The following CTNNA3 variants were observed in gnomAD, a reference collection of about 807,000 sequenced individuals.
The protein encoded by CTNNA3 is catenin alpha-3.
Under a neutral mutation model 95.7 loss-of-function variants are expected in CTNNA3, and 76 were observed. The observed-to-expected ratio is 0.79, with a 90% CI of 0.66 to 0.96. CTNNA3 has a LOEUF of 0.96. CTNNA3 is among the 40% of genes least tolerant of loss of function. The pLI is 0.00. For synonymous variants in CTNNA3, 431 were observed against 374.4 expected (o/e 1.15, Z -1.74); for missense variants, 1,191 against 1,089.8 (o/e 1.09, Z -1.31).
At chr10:66,380,257 A>G (rs2092826867) in intron 11 of CTNNA3, among the ~76,000 whole-genome samples, 1 of 151,808 alleles carries the variant, frequency 6.6e-6, no homozygotes, top group Admixed American at 6.6e-5. Flanking sequence ...TGTGTTTGCT[A>G]CAAAGGACAA....
At chr10:67,369,519 C>A (rs190339670) in intron 5 of CTNNA3, among the ~76,000 whole-genome samples, 32 of 152,250 alleles carry the variant, frequency 2.1e-4, no homozygotes, top group African/African-American at 5.8e-4. Context: ...CAATTAAAAT[C>A]TTCTCCATGG....
At chr10:66,854,052 C>T (rs1843598410) in intron 7 of CTNNA3, among the ~76,000 whole-genome samples, 1 of 152,066 alleles carries the variant, frequency 6.6e-6, no homozygotes, top group African/African-American at 2.4e-5. Context: ...TTTCCAGTTG[C>T]TAAAGTAAAT....
At chr10:67,588,765 T>C (rs938862692) in intron 3 of CTNNA3, among the ~76,000 whole-genome samples, 1 of 152,092 alleles carries the variant, frequency 6.6e-6, no homozygotes, top group African/African-American at 2.4e-5. Flanking sequence ...TCATTTTATT[T>C]TACTAGGAAT....
At chr10:66,219,732 C>G (rs2088804453) in intron 13 of CTNNA3, among the ~76,000 whole-genome samples, 1 of 152,040 alleles carries the variant, frequency 6.6e-6, no homozygotes, top group African/African-American at 2.4e-5. Context: ...TCTTGATCCA[C>G]AGAAACTTTT....
intron 9 of CTNNA3, among the ~76,000 whole-genome samples, chr10:66,699,409 T>G (rs1442669611): frequency 6.6e-6 from 1 of 152,150 alleles, no homozygotes; most frequent in Non-Finnish European, 1.5e-5. Flanking sequence ...TTTTTCTTTT[T>G]TTTTAAATAA....
chr10:67,650,982 T>C (rs1839863414), intron 1 of CTNNA3, among the ~76,000 whole-genome samples: 1 of 152,080 alleles, frequency 6.6e-6, no homozygotes. Context: ...CTCCCCACTC[T>C]TCACCACCCA....
At chr10:66,306,749 A>G (rs1189389454) in intron 12 of CTNNA3, among the ~76,000 whole-genome samples, 2 of 152,192 alleles carry the variant, frequency 1.3e-5, no homozygotes, top group African/African-American at 4.8e-5. Context: ...ATTTGGTTCA[A>G]AGGATTATAG....
chr10:67,380,257 A>T (rs1214666386), intron 5 of CTNNA3, among the ~76,000 whole-genome samples: 2 of 152,208 alleles, frequency 1.3e-5, no homozygotes, highest in Non-Finnish European at 2.9e-5. Flanking sequence ...AATCTAAGGT[A>T]CGATGTGAGC....
At chr10:67,376,244 G>A (rs2066039803) in intron 5 of CTNNA3, among the ~76,000 whole-genome samples, 1 of 152,146 alleles carries the variant, frequency 6.6e-6, no homozygotes, top group African/African-American at 2.4e-5. Context: ...AACACCTTAG[G>A]GGACAGAACT....
chr10:67,496,925 T>C (rs1377695928), intron 5 of CTNNA3, among the ~76,000 whole-genome samples: 10 of 152,194 alleles, frequency 6.6e-5, no homozygotes, highest in Non-Finnish European at 1.2e-4. Flanking sequence ...ATAAACTATG[T>C]GTCTATCTTT....
At chr10:67,518,538 T>C (rs1839888824) in intron 5 of CTNNA3, among the ~76,000 whole-genome samples, 1 of 152,156 alleles carries the variant, frequency 6.6e-6, no homozygotes. Flanking sequence ...AATGTCTAAA[T>C]GTGCTTTAGT....
At chr10:67,749,837 A>T (rs749721483) in intron 1 of CTNNA3, among the ~76,000 whole-genome samples, 24 of 152,232 alleles carry the variant, frequency 1.6e-4, no homozygotes, top group Non-Finnish European at 2.4e-4. Flanking sequence ...GGAGACAGAG[A>T]CATGAAAAAC....
intron 14 of CTNNA3, among the ~76,000 whole-genome samples, chr10:66,079,800 C>T (rs764649773): frequency 6.6e-6 from 1 of 151,934 alleles, no homozygotes; most frequent in African/African-American, 2.4e-5. Flanking sequence ...TGTAGTGACA[C>T]AGTCGTGGCA....
At chr10:66,879,882 T>G (rs1844777668) in intron 7 of CTNNA3, among the ~76,000 whole-genome samples, 1 of 152,032 alleles carries the variant, frequency 6.6e-6, no homozygotes, top group Non-Finnish European at 1.5e-5. Flanking sequence ...GGGATAAGCT[T>G]AGAAATGTAG....
intron 7 of CTNNA3, among the ~76,000 whole-genome samples, chr10:66,808,750 T>G (rs1436059800): frequency 6.6e-6 from 1 of 152,202 alleles, no homozygotes; most frequent in Non-Finnish European, 1.5e-5. Context: ...GCAGCCATTT[T>G]GATTATCAGA....
intron 6 of CTNNA3, among the ~76,000 whole-genome samples, chr10:67,182,368 G>C (rs958623101): frequency 3.3e-5 from 5 of 152,034 alleles, no homozygotes; most frequent in Admixed American, 6.6e-5. Flanking sequence ...ACAGAACAGA[G>C]GCCTCAGAAA....
chr10:67,303,588 T>C (rs956749541), intron 5 of CTNNA3, among the ~76,000 whole-genome samples: 14 of 152,230 alleles, frequency 9.2e-5, no homozygotes, highest in African/African-American at 3.4e-4. Flanking sequence ...GCAATTTCCA[T>C]GGCAAGAATG....
At chr10:66,488,404 C>A (rs1344528146) in intron 11 of CTNNA3, among the ~76,000 whole-genome samples, 2 of 152,088 alleles carry the variant, frequency 1.3e-5, no homozygotes. Flanking sequence ...CAGTGAGAGC[C>A]CACTTCTAAA....
At chr10:67,620,019 T>A (rs1306320888) in intron 2 of CTNNA3, among the ~76,000 whole-genome samples, 1 of 151,682 alleles carries the variant, frequency 6.6e-6, no homozygotes, top group African/African-American at 2.4e-5. Context: ...AAAATGAGGC[T>A]ATGTTGAAAA....
Sources: allele counts gnomAD v4.1 joint callset (sites outside exome capture counted in the v4.1 genomes callset), GRCh38; gene constraint gnomAD v4.1.1; transcripts MANE v1.5; gene names NCBI Gene and HGNC (gene_info 2026-07-23, HGNC 2026-07-21).